The following LUZP2 variants were observed in gnomAD, a reference collection of about 807,000 sequenced individuals.
LUZP2 encodes the protein leucine zipper protein 2.
A neutral mutation model predicts 51.6 loss-of-function variants in LUZP2; 52 were observed. That is an observed-to-expected ratio of 1.01 (90% CI 0.81 to 1.27). The LOEUF (loss-of-function observed/expected upper bound fraction) is 1.27, where lower values mean the gene tolerates loss of function less well. LUZP2 is among the 50% of genes most tolerant of loss of function. The pLI is 0.00. For synonymous variants in LUZP2, 154 were observed against 137.3 expected, an observed-to-expected ratio of 1.12 and a Z score of -0.85; for missense variants, 436 against 395.4, an observed-to-expected ratio of 1.10 and a Z score of -0.87.
chr11:24,775,973 C>A (rs1848903851), intron 5 of LUZP2, among the ~76,000 whole-genome samples: 1 of 152,228 alleles, frequency 6.6e-6, no homozygotes, highest in East Asian at 1.9e-4. Context: ...TTATTGGGTT[C>A]TGAGTTAAAA....
intron 1 of LUZP2, among the ~76,000 whole-genome samples, chr11:24,504,205 T>A (rs919014722): frequency 8.5e-5 from 13 of 152,248 alleles, no homozygotes; most frequent in African/African-American, 2.4e-4. Flanking sequence ...CATTTGCTGA[T>A]ATAAATCTCA....
intron 1 of LUZP2, among the ~76,000 whole-genome samples, chr11:24,712,269 C>T (rs1401627146): frequency 6.6e-6 from 1 of 151,930 alleles, no homozygotes; most frequent in Admixed American, 6.6e-5. Context: ...AAAAATTAGC[C>T]AGGCATGGTG....
intron 1 of LUZP2, among the ~76,000 whole-genome samples, chr11:24,687,634 T>C (rs1021218063): frequency 6.6e-6 from 1 of 152,124 alleles, no homozygotes; most frequent in African/African-American, 2.4e-5. Context: ...CAGAACTTAT[T>C]TGCAAACTTG....
chr11:24,771,110 G>A (rs540185668), intron 5 of LUZP2, among the ~76,000 whole-genome samples: 8 of 152,056 alleles, frequency 5.3e-5, no homozygotes, highest in Admixed American at 3.9e-4. Context: ...TTCAGATTTT[G>A]TTTATTTTTA....
chr11:24,689,235 C>T lies in LUZP2; in HGVS notation c.63-39934C>T, dbSNP rs1309193684. Among the ~76,000 whole-genome samples, 4 of 152,084 alleles carry T rather than the reference C, an allele frequency of 2.6e-5. No individual in the cohort carries two copies. The East Asian group carries it at 5.8e-4, about 22-fold the overall frequency. ...ATGGTTCCAAGGTTTGCATTTTTTTCCCCCTAATTCTTCCCTTGGAGCAGG... is the reference window on the plus strand; with the variant it reads ...ATGGTTCCAAGGTTTGCATTTTTTTTCCCCTAATTCTTCCCTTGGAGCAGG... On this transcript the variant is annotated intron_variant, in intron 1 of 11. Transcript: ENST00000336930.
intron 7 of LUZP2, among the ~76,000 whole-genome samples, chr11:24,967,805 C>T (rs760294603): frequency 2.0e-5 from 3 of 151,868 alleles, no homozygotes; most frequent in Admixed American, 6.6e-5. Context: ...TTAATAGCTG[C>T]CTTAAAGTGT....
Position 24,595,976 on chromosome 11 carries a change from C to G in LUZP2, c.62+98671C>G, listed in dbSNP as rs149515833. On this transcript the variant is annotated intron_variant, in intron 1 of 11. Transcript: ENST00000336930. ...ATTTATCTCAGTTTATCTAAGACAG[C>G]AAGTTCCATGTGCATATGGAAGTGT... 6.3e-3 allele frequency among the ~76,000 whole-genome samples: 956 copies of G among 152,282 alleles called. 19 individuals carry two copies. Among genetic ancestry groups the G allele is most frequent in the Admixed American group, 0.043 (655 of 15,276 alleles).
chr11:25,050,178 A>G (rs760909620), intron 10 of LUZP2, 48 bp downstream of exon 10: 1 of 1,136,558 alleles, frequency 8.8e-7, no homozygotes, highest in South Asian at 1.7e-5. Context: ...AGGAGAAAAA[A>G]GCACAAGCAT....
chr11:24,924,353 C>T (rs12417415), intron 7 of LUZP2, among the ~76,000 whole-genome samples: 2 of 152,008 alleles, frequency 1.3e-5, no homozygotes, highest in Admixed American at 6.6e-5. Flanking sequence ...GCTGGGATTA[C>T]AGGCGTGAGC....
At chr11:24,807,377 A>G (rs956388956) in intron 5 of LUZP2, among the ~76,000 whole-genome samples, 2 of 151,570 alleles carry the variant, frequency 1.3e-5, no homozygotes, top group African/African-American at 4.8e-5. Flanking sequence ...CAGGAGAATC[A>G]CTTGAATCCG....
chr11:25,004,624 C>A (rs956122218), intron 9 of LUZP2, among the ~76,000 whole-genome samples: 3 of 152,152 alleles, frequency 2.0e-5, no homozygotes, highest in African/African-American at 7.2e-5. Context: ...TTGTCTTAGG[C>A]CTCCCATAGC....
chr11:24,963,190 G>A (rs1370579687), intron 7 of LUZP2, among the ~76,000 whole-genome samples: 1 of 152,222 alleles, frequency 6.6e-6, no homozygotes, highest in Non-Finnish European at 1.5e-5. Context: ...GTACCTCCCA[G>A]TTAGGCTGCT....
At chr11:24,961,940 C>A (rs1325560043) in intron 7 of LUZP2, among the ~76,000 whole-genome samples, 1 of 151,552 alleles carries the variant, frequency 6.6e-6, no homozygotes, top group Non-Finnish European at 1.5e-5. Context: ...TAGGGCAGGC[C>A]TGGTGGTGAC....
Position 24,862,110 on chromosome 11 carries a change from G to A in LUZP2, c.397-43881G>A, listed in dbSNP as rs540220720. Among the ~76,000 whole-genome samples the A allele has an allele frequency of 5.3e-5, 8 of 152,002 alleles. No individual in the cohort carries two copies. In the South Asian group the frequency reaches 8.3e-4, roughly 16 times the overall value. ...TACACATAATCATCAGATTCTCCAA[G>A]GTCAAAATGAAGGAAAAGCTGTGAG... On this transcript the variant is annotated intron_variant, in intron 5 of 11. Coordinates refer to ENST00000336930, the MANE Select transcript of LUZP2 (RefSeq NM_001009909.4).
intron 7 of LUZP2, among the ~76,000 whole-genome samples, chr11:24,945,863 T>C (rs1854884200): frequency 6.6e-6 from 1 of 152,128 alleles, no homozygotes; most frequent in Admixed American, 6.6e-5. Flanking sequence ...TGTACAATTC[T>C]ATGTTTTAAT....
intron 9 of LUZP2, among the ~76,000 whole-genome samples, chr11:25,013,534 C>A (rs540971475): frequency 6.6e-6 from 1 of 152,088 alleles, no homozygotes; most frequent in South Asian, 2.1e-4. Context: ...TCTTGAAATG[C>A]GTGAAGATAT....
chr11:24,698,349 G>A (rs1204226360), intron 1 of LUZP2, among the ~76,000 whole-genome samples: 1 of 152,172 alleles, frequency 6.6e-6, no homozygotes, highest in East Asian at 1.9e-4. Flanking sequence ...TCCCAGAAAA[G>A]TGTTGCTAGG....
chr11:24,526,752 T>C (rs1014268325), intron 1 of LUZP2, among the ~76,000 whole-genome samples: 1 of 151,306 alleles, frequency 6.6e-6, no homozygotes, highest in African/African-American at 2.4e-5. Context: ...ATTTTTTCTG[T>C]GCTAGACCTT....
intron 5 of LUZP2, among the ~76,000 whole-genome samples, chr11:24,769,022 G>A (rs1295308054): frequency 6.6e-6 from 1 of 152,050 alleles, no homozygotes; most frequent in Non-Finnish European, 1.5e-5. Flanking sequence ...ATAAAAATGT[G>A]GTATATATAA....
Sources: gnomAD v4.1 joint callset for allele counts (sites outside exome capture counted in the v4.1 genomes callset) on GRCh38, gnomAD v4.1.1 for gene constraint, MANE v1.5 for transcripts, NCBI Gene and HGNC (gene_info 2026-07-23, HGNC 2026-07-21) for gene names.